ADAMTSL1: variants seen among roughly 807,000 people sequenced by gnomAD.
ADAMTSL1 encodes ADAMTS-like protein 1.
Under a neutral mutation model 201.8 loss-of-function variants are expected in ADAMTSL1, and 126 were observed. The observed-to-expected ratio is 0.62, with a 90% confidence interval of 0.54 to 0.72. The LOEUF (loss-of-function observed/expected upper bound fraction) is 0.72, where lower values mean the gene tolerates loss of function less well. ADAMTSL1 is among the 30% of genes least tolerant of loss of function. The probability of loss-of-function intolerance (pLI) is 0.00; values close to 1 mark genes in which losing one functional copy is unlikely to be tolerated. For synonymous variants in ADAMTSL1, 1,121 were observed against 903.4 expected (o/e 1.24, Z -4.32); for missense variants, 2,679 against 2,277.8 (o/e 1.18, Z -3.59).
intron 1 of ADAMTSL1, among the ~76,000 whole-genome samples, chr9:17,993,507 T>C (rs1427614647): frequency 6.6e-6 from 1 of 152,192 alleles, no homozygotes; most frequent in Admixed American, 6.6e-5. Flanking sequence ...GAAATGTGTT[T>C]ACATTCATGT....
intron 1 of ADAMTSL1, among the ~76,000 whole-genome samples, chr9:18,016,575 C>A (rs116327502): frequency 6.6e-6 from 1 of 151,922 alleles, no homozygotes; most frequent in Non-Finnish European, 1.5e-5. Context: ...CCACTCCTGA[C>A]CCCCTTACCA....
chr9:18,076,426 C>T (rs1461411151), intron 1 of ADAMTSL1, among the ~76,000 whole-genome samples: 1 of 152,148 alleles, frequency 6.6e-6, no homozygotes. Context: ...GATCAGTGAG[C>T]AAACACATGC....
intron 2 of ADAMTSL1, among the ~76,000 whole-genome samples, chr9:18,270,313 A>G (rs984015654): frequency 2.0e-5 from 3 of 152,110 alleles, no homozygotes; most frequent in South Asian, 2.1e-4. Context: ...ATCACTCCCC[A>G]ATACCATCAT....
chr9:18,540,292 A>G lies in ADAMTSL1; in HGVS notation c.237+7000A>G, dbSNP rs967857958. On this transcript the variant is annotated intron_variant, in intron 3 of 28. Transcript: ENST00000380548. ...GCAGATGATAAAGTTTTAAAAGAGGACAGTTTCATATAGTGAATGATTATG... is the reference window on the plus strand; with the variant it reads ...GCAGATGATAAAGTTTTAAAAGAGGGCAGTTTCATATAGTGAATGATTATG... 3.9e-5 allele frequency among the ~76,000 whole-genome samples: 6 copies of G among 152,220 alleles called. No homozygotes were observed. In the East Asian group the frequency reaches 1.2e-3, roughly 29 times the overall value.
Position 18,338,569 on chromosome 9 carries a change from C to T in ADAMTSL1, c.208-166260C>T, listed in dbSNP as rs953160250. ...TCAAGCGATCCTCCTACCTCAGTCT[C>T]CTGAGTAGCTGGAACTACAGGGGTA... On this transcript the variant is annotated intron_variant, in intron 2 of 29. Coordinates refer to the ADAMTSL1 transcript ENST00000680146. 2.0e-5 allele frequency among the ~76,000 whole-genome samples: 3 copies of T among 152,218 alleles called. No individual in the cohort carries two copies. In the South Asian group the frequency reaches 6.2e-4, roughly 32 times the overall value.
At chr9:18,612,965 A>G (rs192969297) in intron 4 of ADAMTSL1, among the ~76,000 whole-genome samples, 2 of 152,348 alleles carry the variant, frequency 1.3e-5, no homozygotes, top group East Asian at 1.9e-4. Flanking sequence ...CAAACTATGC[A>G]TCTGACAAAG....
rs79196026 is a variant in ADAMTSL1, at chr9:18,097,624, A to G, written c.88-66238A>G. Among the ~76,000 whole-genome samples, 83 of 152,120 alleles carry G rather than the reference A, an allele frequency of 5.5e-4. No homozygotes were observed. The East Asian group carries it at 0.015, about 28-fold the overall frequency. On this transcript the variant is annotated intron_variant, in intron 1 of 29. Transcript: ENST00000680146. ...TTCATCAATCTAATGCATGTGTACA[A>G]TTTTCATCAGTCTAATGCATGTCTC...
At chr9:18,670,065 G>C (rs1177629306) in intron 9 of ADAMTSL1, among the ~76,000 whole-genome samples, 1 of 152,022 alleles carries the variant, frequency 6.6e-6, no homozygotes, top group Non-Finnish European at 1.5e-5. Context: ...TTAGAAATAG[G>C]CTGGTTTCTA....
intron 2 of ADAMTSL1, among the ~76,000 whole-genome samples, chr9:18,254,345 G>GTTTTTTTTTTTTTTTTTTTTTTTTT (rs59026505): frequency 2.0e-5 from 1 of 49,330 alleles, no homozygotes; most frequent in Non-Finnish European, 3.5e-5. Flanking sequence ...ACTCTTTTTG[G>GTTTTTTTTTTTTTTTTTTTTTTTTT]TTTTTTTTTT....
intron 23 of ADAMTSL1, among the ~76,000 whole-genome samples, chr9:18,859,727 C>T (rs1827090191): frequency 6.6e-6 from 1 of 152,130 alleles, no homozygotes; most frequent in Non-Finnish European, 1.5e-5. Flanking sequence ...GATGTATGTA[C>T]TAGGAAATTC....
At chr9:17,918,054 C>T (rs188469926) in intron 1 of ADAMTSL1, among the ~76,000 whole-genome samples, 184 of 151,802 alleles carry the variant, frequency 1.2e-3, no homozygotes, top group Non-Finnish European at 2.2e-3. Context: ...TTCTTTTTCC[C>T]TGATCAATCT....
chr9:18,668,028 A>G (rs1829567016), intron 9 of ADAMTSL1, among the ~76,000 whole-genome samples: 1 of 152,068 alleles, frequency 6.6e-6, no homozygotes, highest in Non-Finnish European at 1.5e-5. Flanking sequence ...TAGGCCAGGT[A>G]TGTCTCCAAA....
intron 2 of ADAMTSL1, among the ~76,000 whole-genome samples, chr9:18,337,335 T>C (rs574573555): frequency 2.0e-4 from 30 of 152,156 alleles, no homozygotes; most frequent in African/African-American, 7.2e-4. Flanking sequence ...AGTTTTGAGG[T>C]TTTGGGACTT....
At chr9:18,281,778 C>G (rs1057433736) in intron 2 of ADAMTSL1, among the ~76,000 whole-genome samples, 2 of 152,128 alleles carry the variant, frequency 1.3e-5, no homozygotes, top group South Asian at 2.1e-4. Context: ...CTGTTTTGCT[C>G]AGGCTGGTCT....
chr9:18,668,925 A>C (rs1397536037), intron 9 of ADAMTSL1, among the ~76,000 whole-genome samples: 1 of 152,242 alleles, frequency 6.6e-6, no homozygotes, highest in Non-Finnish European at 1.5e-5. Flanking sequence ...TGTTAGGGCC[A>C]CTTGGCAAAA....
intron 3 of ADAMTSL1, among the ~76,000 whole-genome samples, chr9:18,542,198 AAAG>A (rs1478693830): frequency 1.3e-5 from 2 of 152,256 alleles, no homozygotes; most frequent in African/African-American, 4.8e-5. Context: ...ATACAAAACA[AAAG>A]AAGATGAGGT....
intron 4 of ADAMTSL1, among the ~76,000 whole-genome samples, chr9:18,608,742 A>T (rs1271146961): frequency 1.3e-5 from 2 of 152,100 alleles, no homozygotes; most frequent in Non-Finnish European, 2.9e-5. Context: ...AAATTTGGGG[A>T]TCATTAAAAA....
chr9:18,255,349 T>C (rs993317652), intron 2 of ADAMTSL1, among the ~76,000 whole-genome samples: 6 of 147,312 alleles, frequency 4.1e-5, no homozygotes, highest in African/African-American at 1.5e-4. Context: ...TGTATGCTCA[T>C]ACTTAGAAAA....
chr9:18,200,810 G>T (rs946322223), intron 2 of ADAMTSL1, among the ~76,000 whole-genome samples: 2 of 151,852 alleles, frequency 1.3e-5, no homozygotes, highest in African/African-American at 4.8e-5. Context: ...TTCTTCATGT[G>T]ATCCGAGTAA....
Sources: gnomAD v4.1 joint callset for allele counts (sites outside exome capture counted in the v4.1 genomes callset) on GRCh38, gnomAD v4.1.1 for gene constraint, MANE v1.5 for transcripts, NCBI Gene and HGNC (gene_info 2026-07-23, HGNC 2026-07-21) for gene names.